TMEM63C: variants seen among roughly 807,000 people sequenced by gnomAD.
TMEM63C encodes the protein osmosensitive cation channel TMEM63C.
In TMEM63C, 32 loss-of-function variants were observed where a neutral mutation model predicts 99.2. The observed-to-expected ratio is 0.32, with a 90% CI of 0.24 to 0.43. The LOEUF (loss-of-function observed/expected upper bound fraction) is 0.43, where lower values mean the gene tolerates loss of function less well. TMEM63C is among the 20% of genes least tolerant of loss of function. The pLI is 1.00. For missense variants in TMEM63C, 826 were observed against 1,053.0 expected (o/e 0.78, Z 2.98); for synonymous variants, 376 against 397.9 (o/e 0.94, Z 0.66).
At chr14:77,229,613 A>AATATATATATAT (rs149146698) in intron 6 of TMEM63C, among the ~76,000 whole-genome samples, 1,691 of 117,878 alleles carry the variant, frequency 0.014, 45 homozygotes, top group African/African-American at 0.042. Context: ...ACACCCAGCT[A>AATATATATATAT]ATATATATAT....
chr14:77,239,478 C>T lies in TMEM63C; in HGVS notation c.792C>T (p.Asp264=). The change falls in exon 11 of 24, where the codon GAC becomes GAT. Residue 264 remains aspartate (D), a synonymous_variant. Transcript: ENST00000298351. The part of the protein sequence containing the change: ...HFCYDVRNLI[D]LDDQRRHAMR... ...GCTACGACGTCAGGAACCTGATCGA[C>T]TTGGACGATCAGAGGTGAGGCTGCA... The T allele has an allele frequency of 6.2e-7, 1 of 1,613,644 alleles. No homozygotes were observed. Among genetic ancestry groups the T allele is most frequent in the African/African-American group, 1.3e-5 (1 of 75,056 alleles).
intron 9 of TMEM63C, 43 bp from the exon 10 acceptor site, chr14:77,238,651 G>T (rs1280173684): frequency 6.6e-7 from 1 of 1,524,252 alleles, no homozygotes; most frequent in East Asian, 2.3e-5. Context: ...GAATTCCTAT[G>T]CAAGCACAGT....
chr14:77,222,285 C>G (rs1013515427), intron 5 of TMEM63C, among the ~76,000 whole-genome samples: 2 of 152,168 alleles, frequency 1.3e-5, no homozygotes, highest in African/African-American at 4.8e-5. Flanking sequence ...CCCTCTTACC[C>G]AGGTCCCCAA....
chr14:77,234,637 C>A lies in TMEM63C; in HGVS notation c.542+1137C>A, dbSNP rs1889004748. Among the ~76,000 whole-genome samples, 5 of 152,216 alleles carry A rather than the reference C, an allele frequency of 3.3e-5. 1 individual carries two copies. In the South Asian group the frequency reaches 1.0e-3, roughly 31 times the overall value. On this transcript the variant is annotated intron_variant, in intron 8 of 23. Transcript: ENST00000298351. ...TGGCAATGGCGTGTGAGGTGCCAGG[C>A]ACCAGGGGTATTTTGAAACAAGGTG...
intron 13 of TMEM63C, 49 bp from the exon 14 acceptor site, chr14:77,242,298 T>TCCCCCCCCCCCC: frequency 7.1e-7 from 1 of 1,416,886 alleles, no homozygotes; most frequent in Non-Finnish European, 9.8e-7. Flanking sequence ...CCTAAGCCCA[T>TCCCCCCCCCCCC]CCCCCCACCC....
At chr14:77,198,697 G>A (rs1328961707) in intron 1 of TMEM63C, among the ~76,000 whole-genome samples, 1 of 152,188 alleles carries the variant, frequency 6.6e-6, no homozygotes, top group Non-Finnish European at 1.5e-5. Flanking sequence ...GAAAATAGTG[G>A]TGGTTTTTGG....
In TMEM63C at chr14:77,233,517, A is replaced by C; in HGVS notation, c.542+17A>C. On this transcript the variant is annotated intron_variant, in intron 8 of 23. Coordinates refer to ENST00000298351, the MANE Select transcript of TMEM63C (RefSeq NM_020431.4). ...CTCCACAGAGTAGGTACCTGATCTT[A>C]ACCTCCCATTCCATTGGCTGGGGGT... The C allele has an allele frequency of 6.2e-7, 1 of 1,612,876 alleles. No homozygotes were observed. The highest frequency in any genetic ancestry group is 8.5e-7 in the Non-Finnish European group (1 of 1,179,434).
At chr14:77,191,151 T>C (rs1223275641) in intron 1 of TMEM63C, among the ~76,000 whole-genome samples, 1 of 152,156 alleles carries the variant, frequency 6.6e-6, no homozygotes, top group African/African-American at 2.4e-5. Flanking sequence ...CAGTACTAAG[T>C]CTAACCAGAG....
intron 2 of TMEM63C, among the ~76,000 whole-genome samples, chr14:77,218,144 G>A (rs146264310): frequency 0.034 from 5,087 of 150,850 alleles, 180 homozygotes; most frequent in Admixed American, 0.1. Flanking sequence ...CATTTATCCT[G>A]ATGTGCTTAT....
At chr14:77,230,927 A>G (rs1457471164) in intron 6 of TMEM63C, among the ~76,000 whole-genome samples, 1 of 152,206 alleles carries the variant, frequency 6.6e-6, no homozygotes, top group Non-Finnish European at 1.5e-5. Flanking sequence ...AAATTTTTAT[A>G]CATGTCTCTA....
intron 6 of TMEM63C, among the ~76,000 whole-genome samples, chr14:77,228,950 C>A (rs919040041): frequency 1.3e-5 from 2 of 152,170 alleles, no homozygotes; most frequent in Non-Finnish European, 2.9e-5. Flanking sequence ...AGTGGGGAGG[C>A]CTGCATGGTG....
In TMEM63C at chr14:77,249,327, G is replaced by A. The variant is rs369183388; in HGVS notation, c.1907G>A (p.Arg636His). 1.9e-6 allele frequency: 3 copies of A among 1,613,866 alleles called. No homozygotes were observed. The highest frequency in any genetic ancestry group is 1.7e-6 in the Non-Finnish European group (2 of 1,179,896). Residue 636 changes from arginine (R) to histidine (H), a missense_variant, in exon 21 of 24, where the codon CGC (arginine) becomes CAC (histidine). Coordinates refer to ENST00000298351, the MANE Select transcript of TMEM63C (RefSeq NM_020431.4). ...LYLCMKHLTD[R>H]YNMYYSFAPT... ...CTGTGCATGAAGCACTTGACGGATC[G>A]CTATAACATGTACTACTCCTTTGCA...
intron 21 of TMEM63C, among the ~76,000 whole-genome samples, chr14:77,250,430 CTT>C (rs796757847): frequency 0.024 from 3,420 of 140,874 alleles, 128 homozygotes; most frequent in African/African-American, 0.086. Context: ...TGTTTTCTTT[CTT>C]TTTTTTTTTT....
chr14:77,253,228 G>A, intron 22 of TMEM63C, 77 bp from the exon 23 acceptor site: 1 of 1,331,658 alleles, frequency 7.5e-7, no homozygotes, highest in South Asian at 1.2e-5. Context: ...CCCAGGTGTG[G>A]AGTTGAGGCT....
intron 10 of TMEM63C, 101 bp from the exon 11 acceptor site, chr14:77,239,311 C>A: frequency 2.5e-6 from 3 of 1,195,996 alleles, no homozygotes; most frequent in Admixed American, 1.8e-5. Context: ...CACCAGGCAG[C>A]TGAGCCACCC....
chr14:77,246,437 G>C (rs1889269440), intron 17 of TMEM63C, among the ~76,000 whole-genome samples, 172 bp from the exon 18 acceptor site: 1 of 152,230 alleles, frequency 6.6e-6, no homozygotes, highest in Non-Finnish European at 1.5e-5. Flanking sequence ...AAGGCCAAAG[G>C]GCTCGGGGCC....
chr14:77,242,572 C>G lies in TMEM63C; in HGVS notation c.1187+103C>G, dbSNP rs1889196628. 3 of 1,441,504 alleles carry G rather than the reference C, an allele frequency of 2.1e-6. No homozygotes were observed. The East Asian group carries it at 6.8e-5, about 33-fold the overall frequency. 89.3% of individuals were successfully genotyped at this position (1,441,504 alleles called of 1,614,324 possible). A position where few individuals can be genotyped will look rare whatever the true frequency, so the allele number is the denominator to read the frequency against. On this transcript the variant is annotated intron_variant, in intron 14 of 23. Coordinates refer to ENST00000298351, the MANE Select transcript of TMEM63C (RefSeq NM_020431.4). ...CCCATGTCATTGCCCAACAGAGACT[C>G]CAAGGGGACTAAGTTCCATGCTCTC...
At chr14:77,186,382 G>A (rs959832141) in intron 1 of TMEM63C, among the ~76,000 whole-genome samples, 1 of 152,088 alleles carries the variant, frequency 6.6e-6, no homozygotes, top group African/African-American at 2.4e-5. Flanking sequence ...ACTGCTCCAG[G>A]CACTGTTAGA....
chr14:77,202,289 TACACAC>T (rs59017859), intron 1 of TMEM63C, among the ~76,000 whole-genome samples: 1 of 149,650 alleles, frequency 6.7e-6, no homozygotes. Flanking sequence ...CATACTCAGA[TACACAC>T]ACACACACAC....
Sources: gnomAD v4.1 joint callset for allele counts (sites outside exome capture counted in the v4.1 genomes callset) on GRCh38, gnomAD v4.1.1 for gene constraint, MANE v1.5 for transcripts, NCBI Gene and HGNC (gene_info 2026-07-23, HGNC 2026-07-21) for gene names.